Variants in HERPUD2 observed in about 807,000 individuals in gnomAD.
HERPUD2 encodes the protein homocysteine-responsive endoplasmic reticulum-resident ubiquitin-like domain member 2 protein.
In HERPUD2, 13 loss-of-function variants were observed where a neutral mutation model predicts 49.9. The ratio of observed to expected loss-of-function variants is 0.26; its 90% CI spans 0.17 to 0.41. The LOEUF (loss-of-function observed/expected upper bound fraction) is 0.41, where lower values mean the gene tolerates loss of function less well. HERPUD2 is among the 10% of genes least tolerant of loss of function. HERPUD2 has a pLI of 1.00. For synonymous variants in HERPUD2, 172 were observed against 171.4 expected (o/e 1.00, Z -0.03); for missense variants, 449 against 492.2 (o/e 0.91, Z 0.83).
At chr7:35,683,747 C>T (rs1237369460) in intron 2 of HERPUD2, among the ~76,000 whole-genome samples, 4 of 152,090 alleles carry the variant, frequency 2.6e-5, no homozygotes, top group Non-Finnish European at 4.4e-5. Flanking sequence ...AAAAAGTGGG[C>T]TAAGGACATG....
chr7:35,647,261 C>G lies in HERPUD2; in HGVS notation c.495-8789G>C, dbSNP rs1275134158. Among the ~76,000 whole-genome samples the G allele has an allele frequency of 2.0e-5, 3 of 152,098 alleles. No individual in the cohort carries two copies. In the East Asian group the frequency reaches 5.8e-4, roughly 29 times the overall value. On this transcript the variant is annotated intron_variant, in intron 5 of 8. Transcript: ENST00000311350. ...GATTGCTTTATTCTCCCTATTAACCCCCTTCAAGGCAGCTCAAATGTTATC... is the reference window on the plus strand; with the variant it reads ...GATTGCTTTATTCTCCCTATTAACCGCCTTCAAGGCAGCTCAAATGTTATC...
At chr7:35,651,271 C>T (rs1474660931) in intron 5 of HERPUD2, among the ~76,000 whole-genome samples, 1 of 152,172 alleles carries the variant, frequency 6.6e-6, no homozygotes, top group South Asian at 2.1e-4. Context: ...CTGGAGGCCC[C>T]CCAAGAATTG....
intron 5 of HERPUD2, among the ~76,000 whole-genome samples, chr7:35,648,365 T>C (rs1183445689): frequency 6.6e-6 from 1 of 152,206 alleles, no homozygotes; most frequent in Non-Finnish European, 1.5e-5. Flanking sequence ...ACATGCATAC[T>C]ATGTGCCCCT....
At chr7:35,692,834 C>T (rs529560353) in intron 2 of HERPUD2, among the ~76,000 whole-genome samples, 31 of 152,264 alleles carry the variant, frequency 2.0e-4, no homozygotes, top group African/African-American at 7.5e-4. Flanking sequence ...TCATTAATAT[C>T]GTAATATAGA....
chr7:35,685,689 A>G (rs543505148), intron 2 of HERPUD2, among the ~76,000 whole-genome samples: 2 of 152,080 alleles, frequency 1.3e-5, no homozygotes, highest in African/African-American at 4.8e-5. Context: ...TTTAATTTAA[A>G]TATCAGGGCT....
chr7:35,633,590 G>A lies in HERPUD2; in HGVS notation c.*100C>T. On this transcript the variant is annotated 3_prime_UTR_variant, in exon 9 of 9. Transcript: ENST00000311350. Reference sequence around the variant, plus strand: ...AAAGAAAAAAAACACCTCTGTACATGATGATCAAAAGAAAGTTATAAATTT... The same window carrying A: ...AAAGAAAAAAAACACCTCTGTACATAATGATCAAAAGAAAGTTATAAATTT... 2 of 1,056,802 alleles carry A rather than the reference G, an allele frequency of 1.9e-6. No individual in the cohort carries two copies. The highest frequency in any genetic ancestry group is 2.7e-6 in the Non-Finnish European group (2 of 730,484). 65.5% of individuals were successfully genotyped at this position (1,056,802 alleles called of 1,614,324 possible). A position where few individuals can be genotyped will look rare whatever the true frequency, so the allele number is the denominator to read the frequency against.
intron 6 of HERPUD2, among the ~76,000 whole-genome samples, chr7:35,636,959 C>T (rs1445850613): frequency 1.3e-5 from 2 of 151,922 alleles, no homozygotes; most frequent in Non-Finnish European, 2.9e-5. Context: ...GTGGCAAAAC[C>T]CCTGTCTGTA....
rs549534565 is a variant in HERPUD2 at position 35,650,562 on chromosome 7, G to A, written c.495-12090C>T. Among the ~76,000 whole-genome samples, 17 of 152,214 alleles carry A rather than the reference G, an allele frequency of 1.1e-4. No individual in the cohort carries two copies. In the South Asian group the frequency reaches 2.3e-3, roughly 20 times the overall value. On this transcript the variant is annotated intron_variant, in intron 5 of 8. Coordinates refer to ENST00000311350, the MANE Select transcript of HERPUD2 (RefSeq NM_022373.5). ...TCCTGCCCTGGGGCCCAAGAACTCC[G>A]GTACCTCACATCCCTGGAGCTTCAC...
At chr7:35,641,988 T>C (rs902683112) in intron 5 of HERPUD2, among the ~76,000 whole-genome samples, 3 of 152,138 alleles carry the variant, frequency 2.0e-5, no homozygotes, top group African/African-American at 7.2e-5. Flanking sequence ...CTTAAGAGCT[T>C]CTGCACAGCA....
chr7:35,659,469 G>T (rs1256316863), intron 5 of HERPUD2, among the ~76,000 whole-genome samples: 1 of 152,198 alleles, frequency 6.6e-6, no homozygotes, highest in East Asian at 1.9e-4. Context: ...AAGGATGAAA[G>T]AATTTATAAG....
At chr7:35,671,085 G>A (rs563583461) in intron 3 of HERPUD2, among the ~76,000 whole-genome samples, 17 of 152,032 alleles carry the variant, frequency 1.1e-4, no homozygotes, top group African/African-American at 4.1e-4. Context: ...GAATGACAAA[G>A]AAAAAGGAGC....
At chr7:35,676,441 T>C (rs1431253339) in intron 2 of HERPUD2, among the ~76,000 whole-genome samples, 1 of 152,198 alleles carries the variant, frequency 6.6e-6, no homozygotes, top group African/African-American at 2.4e-5. Flanking sequence ...CCTGCATCAC[T>C]TTAACATGAC....
chr7:35,687,165 G>A (rs1786081672), intron 2 of HERPUD2, among the ~76,000 whole-genome samples: 1 of 152,144 alleles, frequency 6.6e-6, no homozygotes, highest in Middle Eastern at 3.4e-3. Flanking sequence ...AAGTTCATTC[G>A]TTTCTCAATT....
At chr7:35,686,611 T>G (rs1394353334) in intron 2 of HERPUD2, among the ~76,000 whole-genome samples, 8 of 113,628 alleles carry the variant, frequency 7.0e-5, no homozygotes, top group South Asian at 6.6e-4. Flanking sequence ...CCCAGCTACT[T>G]GGGAGGCTGA....
intron 5 of HERPUD2, among the ~76,000 whole-genome samples, chr7:35,642,562 T>C (rs1366628085): frequency 6.6e-6 from 1 of 152,180 alleles, no homozygotes; most frequent in Non-Finnish European, 1.5e-5. Context: ...TCAACCTCAA[T>C]GCTCATCAAT....
intron 5 of HERPUD2, among the ~76,000 whole-genome samples, chr7:35,658,138 A>T (rs28802328): frequency 0.31 from 47,562 of 152,056 alleles, 8,146 homozygotes; most frequent in Non-Finnish European, 0.38. Context: ...ATAGAACACT[A>T]TTTCACCGTA....
chr7:35,633,698 C>G lies in HERPUD2; in HGVS notation c.1213G>C (p.Ala405Pro). The change falls in exon 9 of 9, where the codon GCC (alanine) becomes CCC (proline). Residue 405 changes from alanine to proline, a missense_variant. Transcript: ENST00000311350. ...SLIPEGPPQV[A>P]N is the part of the protein sequence containing the mutation. ...TGGCACAGTTTTTCAGGTCAATTGGCAACCTGGGGAGGCCCCTCTGGTATT... is the reference window on the plus strand; with the variant it reads ...TGGCACAGTTTTTCAGGTCAATTGGGAACCTGGGGAGGCCCCTCTGGTATT... 1.2e-6 allele frequency: 2 copies of G among 1,612,662 alleles called. No homozygotes were observed. The highest frequency in any genetic ancestry group is 1.7e-6 in the Non-Finnish European group (2 of 1,179,414).
intron 2 of HERPUD2, among the ~76,000 whole-genome samples, chr7:35,675,099 G>A (rs1477264440): frequency 2.6e-5 from 4 of 152,132 alleles, no homozygotes; most frequent in Admixed American, 6.5e-5. Context: ...CAGTCTTGTG[G>A]GATTGAGCCC....
At chr7:35,671,081 C>A (rs1301548358) in intron 3 of HERPUD2, among the ~76,000 whole-genome samples, 8 of 151,528 alleles carry the variant, frequency 5.3e-5, no homozygotes, top group African/African-American at 1.9e-4. Context: ...AACAGAATGA[C>A]AAAGAAAAAG....
Sources: gnomAD v4.1 joint callset for allele counts (sites outside exome capture counted in the v4.1 genomes callset) on GRCh38, gnomAD v4.1.1 for gene constraint, MANE v1.5 for transcripts, NCBI Gene and HGNC (gene_info 2026-07-23, HGNC 2026-07-21) for gene names.